Variants in PRELID2 observed in about 807,000 individuals in gnomAD.
The protein encoded by PRELID2 is PRELI domain containing 2.
Under a neutral mutation model 28.4 loss-of-function variants are expected in PRELID2, and 25 were observed. The ratio of observed to expected loss-of-function variants is 0.88; its 90% confidence interval spans 0.64 to 1.23. The LOEUF is 1.23. Ranked by LOEUF, PRELID2 falls within the 50% of genes most tolerant of loss-of-function variation. The pLI is 0.00. For synonymous variants in PRELID2, 76 were observed against 71.6 expected (o/e 1.06, Z -0.31); for missense variants, 201 against 214.4 (o/e 0.94, Z 0.39).
At chr5:145,809,037 T>A (rs1022335910) in intron 4 of PRELID2, among the ~76,000 whole-genome samples, 2 of 115,294 alleles carry the variant, frequency 1.7e-5, no homozygotes, top group Middle Eastern at 8.6e-3. Flanking sequence ...TTTTTTTTGC[T>A]TTTTTTTTTT....
the PRELID2 span, among the ~76,000 whole-genome samples, chr5:145,375,036 C>A: frequency 6.6e-6 from 1 of 152,134 alleles, no homozygotes. Context: ...TGGAGAGACA[C>A]TGTGATCATT....
At chr5:145,453,080 A>C in the PRELID2 span, among the ~76,000 whole-genome samples, 1 of 152,200 alleles carries the variant, frequency 6.6e-6, no homozygotes, top group African/African-American at 2.4e-5. Context: ...CTGCCCAAAA[A>C]TGGAGGGGGA....
chr5:145,588,272 T>C (rs954841513), intron 1 of PRELID2, among the ~76,000 whole-genome samples: 2 of 152,104 alleles, frequency 1.3e-5, no homozygotes, highest in Non-Finnish European at 2.9e-5. Flanking sequence ...ACACCAAAGC[T>C]TAGAGACTGG....
At chr5:145,635,135 C>T (rs1753982803) in intron 1 of PRELID2, among the ~76,000 whole-genome samples, 1 of 152,174 alleles carries the variant, frequency 6.6e-6, no homozygotes, top group Non-Finnish European at 1.5e-5. Context: ...TCCCTCTCGT[C>T]CTTAAAGTAT....
At chr5:145,281,687 C>CAGTTTG in the PRELID2 span, among the ~76,000 whole-genome samples, 3 of 152,142 alleles carry the variant, frequency 2.0e-5, no homozygotes, top group Non-Finnish European at 4.4e-5. Flanking sequence ...AAGTAGAAAG[C>CAGTTTG]CTTGTTTGTA....
intron 1 of PRELID2, among the ~76,000 whole-genome samples, chr5:145,726,472 T>G (rs973511264): frequency 1.3e-5 from 2 of 152,212 alleles, no homozygotes; most frequent in Non-Finnish European, 2.9e-5. Flanking sequence ...AAGTCTGTCT[T>G]GGTCAATGCC....
Position 145,623,698 on chromosome 5 carries a change from A to C in PRELID2, n.70+141233T>G, listed in dbSNP as rs965599870. Among the ~76,000 whole-genome samples, 6 of 152,294 alleles carry C rather than the reference A, an allele frequency of 3.9e-5. No homozygotes were observed. The South Asian group carries it at 1.2e-3, about 32-fold the overall frequency. On this transcript the variant is annotated intron_variant and non_coding_transcript_variant, in intron 1 of 2. Transcript: ENST00000510259. ...CCACACCTTGTGGATCATCGTGGAA[A>C]GCAAAGGTTATTCAGTAAGTAGTGT... is the stretch of plus-strand genomic sequence containing the variant.
Position 145,796,528 on chromosome 5 carries a change from C to G in PRELID2, c.388G>C (p.Gly130Arg). ...CCAACCCCTGTGATTGAAATCCTGC[C>G]TCTTTGAATGAACTCTGTCCTGCAA... is the stretch of plus-strand genomic sequence containing the variant. ...NPNWTEFIQR[G>R]RISITGVGFL... The change falls in exon 5 of 7, where the codon GGC becomes CGC. Residue 130 changes from glycine (G) to arginine (R), a missense_variant. By Grantham distance (125) the Gly-to-Arg change is moderately radical. Transcript: ENST00000683046. The G allele has an allele frequency of 6.2e-7, 1 of 1,606,436 alleles. No individual in the cohort carries two copies. The highest frequency in any genetic ancestry group is 1.3e-5 in the African/African-American group (1 of 74,636).
chr5:145,667,267 TAGTAGGAAAC>T (rs1754613689), intron 1 of PRELID2, among the ~76,000 whole-genome samples: 1 of 152,062 alleles, frequency 6.6e-6, no homozygotes, highest in South Asian at 2.1e-4. Context: ...GTGCTTGATA[TAGTAGGAAAC>T]ACACTGGCTT....
the PRELID2 span, among the ~76,000 whole-genome samples, chr5:145,406,724 C>T: frequency 8.5e-5 from 13 of 152,326 alleles, no homozygotes; most frequent in East Asian, 2.5e-3. Context: ...CTGCTGCAAA[C>T]TCCATGAGCT....
chr5:145,784,233 TAA>T (rs11299722), intron 5 of PRELID2, among the ~76,000 whole-genome samples: 287 of 136,198 alleles, frequency 2.1e-3, no homozygotes, highest in Middle Eastern at 7.4e-3. Flanking sequence ...GTGGTGAGCT[TAA>T]AAAAAAAAAA....
intron 1 of PRELID2, among the ~76,000 whole-genome samples, chr5:145,740,963 GTATATAT>G (rs1561567105): frequency 1.8e-4 from 11 of 60,552 alleles, no homozygotes; most frequent in African/African-American, 8.8e-4. Flanking sequence ...TATAAATAAA[GTATATAT>G]TATATATTTG....
At position 145,598,420 on chromosome 5, in the gene PRELID2, A is replaced by G. The variant is rs148792989; in HGVS notation, n.71-125105T>C. ...AACCGGTCTAGCATCTATGTTTAGG[A>G]TGAATTGCAGGTAGAGACAACCAGA... On this transcript the variant is annotated intron_variant and non_coding_transcript_variant, in intron 1 of 2. Transcript: ENST00000510259. Among the ~76,000 whole-genome samples, 7 of 152,284 alleles carry G rather than the reference A, an allele frequency of 4.6e-5. No individual in the cohort carries two copies. The East Asian group carries it at 1.2e-3, about 25-fold the overall frequency.
chr5:145,324,098 C>T, the PRELID2 span, among the ~76,000 whole-genome samples: 9 of 152,102 alleles, frequency 5.9e-5, no homozygotes, highest in Non-Finnish European at 1.0e-4. Context: ...ATATGCATTC[C>T]CTTTTCTCCA....
chr5:145,587,570 T>C (rs1289894555), intron 1 of PRELID2, among the ~76,000 whole-genome samples: 1 of 152,184 alleles, frequency 6.6e-6, no homozygotes, highest in East Asian at 1.9e-4. Flanking sequence ...GTCCTAATGA[T>C]GTTTACATAG....
chr5:145,241,519 CTAT>C, the PRELID2 span, among the ~76,000 whole-genome samples: 11 of 152,086 alleles, frequency 7.2e-5, no homozygotes, highest in African/African-American at 2.6e-4. Flanking sequence ...ATAGAATTGC[CTAT>C]TGTTATTCCT....
chr5:145,568,169 C>A (rs971298677), intron 1 of PRELID2, among the ~76,000 whole-genome samples: 1 of 152,116 alleles, frequency 6.6e-6, no homozygotes, highest in African/African-American at 2.4e-5. Flanking sequence ...CCTAAACTCG[C>A]CAATCAAACT....
At chr5:145,323,038 A>T in the PRELID2 span, among the ~76,000 whole-genome samples, 1 of 152,190 alleles carries the variant, frequency 6.6e-6, no homozygotes, top group Admixed American at 6.5e-5. Context: ...AAACAATAGT[A>T]TGTGCTAAGA....
chr5:145,271,427 G>A, the PRELID2 span, among the ~76,000 whole-genome samples: 1 of 151,948 alleles, frequency 6.6e-6, no homozygotes, highest in Admixed American at 6.6e-5. Flanking sequence ...TGTTGCCTAG[G>A]CTGGTTTCAA....
Sources: gnomAD v4.1 joint callset for allele counts (sites outside exome capture counted in the v4.1 genomes callset) on GRCh38, gnomAD v4.1.1 for gene constraint, MANE v1.5 for transcripts, NCBI Gene and HGNC (gene_info 2026-07-23, HGNC 2026-07-21) for gene names.